Variants in PTPRD observed in about 807,000 individuals in gnomAD.
PTPRD encodes protein tyrosine phosphatase receptor type D.
A neutral mutation model predicts 214.5 loss-of-function variants in PTPRD; 34 were observed. The ratio of observed to expected loss-of-function variants is 0.16; its 90% CI spans 0.12 to 0.21. PTPRD has a LOEUF of 0.21. Ranked by LOEUF, PTPRD falls within the 10% of genes least tolerant of loss-of-function variation. The pLI, the probability that PTPRD is intolerant of heterozygous loss-of-function variation, is 1.00. For synonymous variants in PTPRD, 1,128 were observed against 845.7 expected (o/e 1.33, Z -5.79); for missense variants, 2,545 against 2,398.7 (o/e 1.06, Z -1.27).
intron 3 of PTPRD, among the ~76,000 whole-genome samples, chr9:10,092,330 A>G (rs1370853839): frequency 6.6e-6 from 1 of 151,460 alleles, no homozygotes; most frequent in African/African-American, 2.4e-5. Context: ...CACTGAATTC[A>G]GAAAAGGTGA....
intron 2 of PTPRD, among the ~76,000 whole-genome samples, chr9:10,383,813 G>A (rs1377985031): frequency 2.0e-5 from 3 of 151,900 alleles, no homozygotes; most frequent in African/African-American, 7.2e-5. Flanking sequence ...TAATAGGAAC[G>A]ATGGCAATAG....
At chr9:8,859,784 A>T in intron 11 of PTPRD, among the ~76,000 whole-genome samples, 1 of 139,076 alleles carries the variant, frequency 7.2e-6, no homozygotes, top group East Asian at 2.6e-4. Context: ...CTCTAAACGA[A>T]GTTTAGTTTT....
intron 39 of PTPRD, among the ~76,000 whole-genome samples, chr9:8,353,836 A>ATGTG (rs2076187842): frequency 2.1e-5 from 1 of 48,378 alleles, no homozygotes; most frequent in African/African-American, 4.2e-5. Context: ...ATATATGTAT[A>ATGTG]TATGTATATA....
intron 11 of PTPRD, among the ~76,000 whole-genome samples, chr9:8,789,186 A>G (rs1168208338): frequency 6.6e-6 from 1 of 152,086 alleles, no homozygotes; most frequent in East Asian, 1.9e-4. Flanking sequence ...CGAGACACAG[A>G]TTATACTTAA....
chr9:8,872,847 G>A (rs1347383321), intron 11 of PTPRD, among the ~76,000 whole-genome samples: 1 of 152,176 alleles, frequency 6.6e-6, no homozygotes, highest in African/African-American at 2.4e-5. Context: ...AGTTAAGCAA[G>A]TACATTTCAA....
rs369193030 is a variant in PTPRD, at chr9:8,454,560, G to A, written c.3876-4723C>T. The A allele has an allele frequency of 2.4e-5, 38 of 1,612,792 alleles. No individual in the cohort carries two copies. The African/African-American group carries it at 2.4e-4, about 10-fold the overall frequency. The stretch of plus-strand genomic sequence containing the variant: ...TTTTTTCTTACTGAACATTAAAGGG[G>A]TTTGTTCTCTATTCCTCACCTGTCG... On this transcript the variant is annotated intron_variant, in intron 33 of 45. Transcript: ENST00000381196.
chr9:9,296,625 G>A (rs189280060), intron 9 of PTPRD, among the ~76,000 whole-genome samples: 1 of 151,748 alleles, frequency 6.6e-6, no homozygotes, highest in Admixed American at 6.6e-5. Flanking sequence ...GATCTATTTT[G>A]CATTCACCTC....
At chr9:10,563,107 A>T (rs1456078316) in intron 2 of PTPRD, among the ~76,000 whole-genome samples, 3 of 152,172 alleles carry the variant, frequency 2.0e-5, no homozygotes, top group Admixed American at 1.3e-4. Flanking sequence ...GTAATTCCCC[A>T]CTTGTCATGG....
intron 3 of PTPRD, among the ~76,000 whole-genome samples, chr9:10,061,921 G>C (rs559709065): frequency 7.9e-5 from 12 of 151,994 alleles, no homozygotes; most frequent in African/African-American, 2.7e-4. Context: ...CAAATTATTA[G>C]GCCCCACCCA....
intron 2 of PTPRD, among the ~76,000 whole-genome samples, chr9:10,571,194 AT>A (rs2067322609): frequency 1.3e-5 from 2 of 152,080 alleles, no homozygotes; most frequent in African/African-American, 4.8e-5. Context: ...TTTAAATCTG[AT>A]TTTTCTTATG....
At chr9:9,931,666 G>T (rs1035775316) in intron 5 of PTPRD, among the ~76,000 whole-genome samples, 3 of 151,214 alleles carry the variant, frequency 2.0e-5, no homozygotes, top group African/African-American at 7.3e-5. Context: ...GCCCACCATT[G>T]CCCAGGCGTG....
At chr9:10,579,722 T>C (rs1853227) in intron 2 of PTPRD, among the ~76,000 whole-genome samples, 151,787 of 152,316 alleles carry the variant, frequency 1, 75,630 homozygotes, top group Middle Eastern at 1. Flanking sequence ...ATTTACATTT[T>C]CATCAATGTG....
intron 12 of PTPRD, among the ~76,000 whole-genome samples, chr9:8,662,545 G>C (rs2097084013): frequency 6.6e-6 from 1 of 151,980 alleles, no homozygotes; most frequent in African/African-American, 2.4e-5. Flanking sequence ...ATACAGCCTA[G>C]GAAAAATGGA....
chr9:9,947,587 TATATATATA>T (rs1325197803), intron 4 of PTPRD, among the ~76,000 whole-genome samples: 780 of 49,752 alleles, frequency 0.016, 5 homozygotes, highest in Admixed American at 0.021. Flanking sequence ...ATATATATAT[TATATATATA>T]ATATATATAT....
chr9:10,399,414 T>A (rs186638193), intron 2 of PTPRD, among the ~76,000 whole-genome samples: 33 of 152,094 alleles, frequency 2.2e-4, no homozygotes, highest in Admixed American at 1.2e-3. Flanking sequence ...TATATTTTTA[T>A]TCAAAAAAAT....
At chr9:10,030,739 C>T (rs1156420573) in intron 4 of PTPRD, among the ~76,000 whole-genome samples, 2 of 152,162 alleles carry the variant, frequency 1.3e-5, no homozygotes, top group Non-Finnish European at 2.9e-5. Flanking sequence ...CAATGGTATC[C>T]TGTGTCCTGA....
At chr9:9,488,230 A>G (rs947363592) in intron 8 of PTPRD, among the ~76,000 whole-genome samples, 4 of 152,208 alleles carry the variant, frequency 2.6e-5, no homozygotes, top group Admixed American at 6.5e-5. Flanking sequence ...ATACTATGAG[A>G]CAATGTTCAT....
At chr9:10,476,275 C>A (rs986865612) in intron 2 of PTPRD, among the ~76,000 whole-genome samples, 1 of 152,158 alleles carries the variant, frequency 6.6e-6, no homozygotes, top group African/African-American at 2.4e-5. Context: ...TAATAAACAA[C>A]TTCAGCAAAG....
At chr9:9,052,639 CT>C (rs1569510610) in intron 10 of PTPRD, among the ~76,000 whole-genome samples, 1 of 152,174 alleles carries the variant, frequency 6.6e-6, no homozygotes, top group Admixed American at 6.5e-5. Context: ...TGGACTTTCC[CT>C]CTCCCATTCT....
Sources: gnomAD v4.1 joint callset for allele counts (sites outside exome capture counted in the v4.1 genomes callset) on GRCh38, gnomAD v4.1.1 for gene constraint, MANE v1.5 for transcripts, NCBI Gene and HGNC (gene_info 2026-07-23, HGNC 2026-07-21) for gene names.